GRIK2: variants seen among roughly 807,000 people sequenced by gnomAD.
GRIK2 encodes the protein glutamate ionotropic receptor kainate type subunit 2, also known as glutamate receptor ionotropic, kainate 2.
GRIK2 carries 32 observed loss-of-function variants against 100.3 expected under a neutral mutation model. The ratio of observed to expected loss-of-function variants is 0.32; its 90% CI spans 0.24 to 0.43. GRIK2 has a LOEUF of 0.43. Ranked by LOEUF, GRIK2 falls within the 20% of genes least tolerant of loss-of-function variation. GRIK2 has a pLI of 1.00. For synonymous variants in GRIK2, 417 were observed against 389.4 expected (o/e 1.07, Z -0.83); for missense variants, 843 against 1,114.9 (o/e 0.76, Z 3.47).
At chr6:101,828,842 A>G (rs1051149989) in intron 10 of GRIK2, among the ~76,000 whole-genome samples, 11 of 151,948 alleles carry the variant, frequency 7.2e-5, no homozygotes, top group African/African-American at 2.7e-4. Context: ...TGCACAAAGA[A>G]GAGCTGGTGC....
intron 2 of GRIK2, among the ~76,000 whole-genome samples, chr6:101,472,714 G>A (rs1202686741): frequency 6.6e-6 from 1 of 151,754 alleles, no homozygotes; most frequent in Non-Finnish European, 1.5e-5. Context: ...TAGCTGATAT[G>A]CAGCCATTCC....
chr6:101,880,283 A>G (rs967589411), intron 11 of GRIK2, among the ~76,000 whole-genome samples: 3 of 152,096 alleles, frequency 2.0e-5, no homozygotes, highest in African/African-American at 4.8e-5. Context: ...AGTTTGGGTC[A>G]CTAATGAGTT....
At chr6:101,456,882 A>G (rs1305343010) in intron 2 of GRIK2, among the ~76,000 whole-genome samples, 1 of 152,168 alleles carries the variant, frequency 6.6e-6, no homozygotes, top group East Asian at 1.9e-4. Flanking sequence ...ATAGAGTCAT[A>G]TCAAGACAAG....
intron 7 of GRIK2, among the ~76,000 whole-genome samples, chr6:101,697,897 G>A (rs1260613620): frequency 6.6e-6 from 1 of 152,076 alleles, no homozygotes; most frequent in Admixed American, 6.6e-5. Context: ...GCCAGTAGTT[G>A]ATCCTCCATA....
At chr6:101,505,637 G>A (rs1009886089) in intron 2 of GRIK2, among the ~76,000 whole-genome samples, 2 of 152,074 alleles carry the variant, frequency 1.3e-5, no homozygotes, top group East Asian at 1.9e-4. Flanking sequence ...TCCCAAAGGT[G>A]TAAGTAGCTA....
intron 14 of GRIK2, among the ~76,000 whole-genome samples, chr6:101,958,445 C>T (rs1792083349): frequency 6.6e-6 from 1 of 151,756 alleles, no homozygotes; most frequent in Non-Finnish European, 1.5e-5. Context: ...TAGGATTTTC[C>T]AGTTGTAAGA....
intron 8 of GRIK2, among the ~76,000 whole-genome samples, chr6:101,801,386 A>G (rs1335623145): frequency 6.6e-6 from 1 of 152,008 alleles, no homozygotes; most frequent in African/African-American, 2.4e-5. Flanking sequence ...TATGTATTAA[A>G]CTTTTTCTAT....
intron 2 of GRIK2, among the ~76,000 whole-genome samples, chr6:101,408,967 AAT>A (rs1379851849): frequency 6.6e-6 from 1 of 152,142 alleles, no homozygotes; most frequent in East Asian, 1.9e-4. Flanking sequence ...AAAAGTTACC[AAT>A]TAATCTTAAG....
intron 2 of GRIK2, among the ~76,000 whole-genome samples, chr6:101,402,394 C>T (rs1218892296): frequency 1.3e-5 from 2 of 152,162 alleles, no homozygotes; most frequent in Non-Finnish European, 2.9e-5. Flanking sequence ...GCGTCTCTGT[C>T]CTGTTTCCCC....
At chr6:101,904,938 G>C (rs573058811) in intron 12 of GRIK2, among the ~76,000 whole-genome samples, 1 of 151,436 alleles carries the variant, frequency 6.6e-6, no homozygotes, top group East Asian at 1.9e-4. Flanking sequence ...CTTTTTGTTG[G>C]AGTCTTATTA....
intron 2 of GRIK2, among the ~76,000 whole-genome samples, chr6:101,559,796 A>G (rs997749660): frequency 1.3e-5 from 2 of 152,092 alleles, no homozygotes; most frequent in African/African-American, 4.8e-5. Context: ...ACACATCCAT[A>G]TGCTTTGAAT....
intron 2 of GRIK2, among the ~76,000 whole-genome samples, chr6:101,404,285 C>A (rs1002608437): frequency 1.3e-5 from 2 of 152,190 alleles, no homozygotes; most frequent in Non-Finnish European, 2.9e-5. Context: ...AAGGAAAATA[C>A]CATAGATCAA....
chr6:101,685,422 T>C (rs1771606077), intron 6 of GRIK2, among the ~76,000 whole-genome samples: 1 of 152,100 alleles, frequency 6.6e-6, no homozygotes, highest in South Asian at 2.1e-4. Context: ...GTCCATAAGT[T>C]CGAGGGTTAG....
chr6:102,063,628 C>A (rs2114530111), intron 16 of GRIK2, among the ~76,000 whole-genome samples: 1 of 150,648 alleles, frequency 6.6e-6, no homozygotes, highest in African/African-American at 2.4e-5. Flanking sequence ...AAAAATATAT[C>A]TTTTAATTAG....
chr6:101,814,422 C>A (rs1182478343), intron 9 of GRIK2, among the ~76,000 whole-genome samples: 2 of 151,856 alleles, frequency 1.3e-5, no homozygotes, highest in South Asian at 4.1e-4. Flanking sequence ...TGAGAGTTTA[C>A]GTAAAACAAA....
intron 9 of GRIK2, among the ~76,000 whole-genome samples, chr6:101,811,914 A>G (rs540130173): frequency 6.6e-6 from 1 of 151,696 alleles, no homozygotes; most frequent in Admixed American, 6.6e-5. Context: ...GTTGTTTTCT[A>G]CCTAGAAAAA....
At chr6:101,872,661 C>G (rs754170376) in intron 11 of GRIK2, among the ~76,000 whole-genome samples, 3 of 151,808 alleles carry the variant, frequency 2.0e-5, no homozygotes, top group Admixed American at 1.3e-4. Flanking sequence ...CAATAATTCC[C>G]CCTTCCCATC....
intron 14 of GRIK2, among the ~76,000 whole-genome samples, chr6:101,948,703 A>G (rs1016218361): frequency 6.6e-6 from 1 of 151,988 alleles, no homozygotes; most frequent in African/African-American, 2.4e-5. Context: ...CTGAACTCTT[A>G]GGCTAAAGTG....
rs540821957 is a variant in GRIK2, at chr6:101,601,893, T to A, written c.116-20056T>A. ...TTCAAGGGACCAAATTTTAGTTTTA[T>A]TGATTTTTTATGTATGGGCTTTGGG... On this transcript the variant is annotated intron_variant, in intron 2 of 16. Transcript: ENST00000369134. Among the ~76,000 whole-genome samples the A allele has an allele frequency of 1.1e-4, 17 of 151,850 alleles. No individual in the cohort carries two copies. The South Asian group carries it at 2.9e-3, about 26-fold the overall frequency.
Sources: allele counts gnomAD v4.1 joint callset (sites outside exome capture counted in the v4.1 genomes callset), GRCh38; gene constraint gnomAD v4.1.1; transcripts MANE v1.5; gene names NCBI Gene and HGNC (gene_info 2026-07-23, HGNC 2026-07-21).